The following RELN variants were observed in gnomAD, a reference collection of about 807,000 sequenced individuals.
RELN encodes the protein reelin.
In RELN, 108 loss-of-function variants were observed where a neutral mutation model predicts 427.6. The ratio of observed to expected loss-of-function variants is 0.25; its 90% CI spans 0.22 to 0.30. RELN has a LOEUF of 0.30. Ranked by LOEUF, RELN falls within the 10% of genes least tolerant of loss-of-function variation. The pLI, the probability that RELN is intolerant of heterozygous loss-of-function variation, is 1.00. For missense variants in RELN, 3,715 were observed against 4,302.8 expected (o/e 0.86, Z 3.82); for synonymous variants, 1,524 against 1,513.4 (o/e 1.01, Z -0.16).
chr7:103,812,420 A>G (rs1584260450), intron 3 of RELN, among the ~76,000 whole-genome samples: 3 of 152,308 alleles, frequency 2.0e-5, no homozygotes, highest in South Asian at 4.1e-4. Flanking sequence ...AAACAAATTC[A>G]TTTCCAGAGT....
Position 103,522,678 on chromosome 7 carries a change from G to C in RELN, c.7491-479C>G, listed in dbSNP as rs989090918. ...AAGACTGACTTCCCTGTTTAGGGTG[G>C]AAGGGCATATGAATATAGGACTGGG... On this transcript the variant is annotated intron_variant, in intron 47 of 64. Coordinates refer to ENST00000428762, the MANE Select transcript of RELN (RefSeq NM_005045.4). 2.6e-5 allele frequency among the ~76,000 whole-genome samples: 4 copies of C among 152,314 alleles called. No homozygotes were observed. The South Asian group carries it at 8.3e-4, about 32-fold the overall frequency.
intron 8 of RELN, among the ~76,000 whole-genome samples, chr7:103,722,195 G>T (rs1790094482): frequency 6.6e-6 from 1 of 152,154 alleles, no homozygotes; most frequent in Admixed American, 6.6e-5. Flanking sequence ...TGATGAAAAA[G>T]TGACAAATAC....
chr7:103,715,557 G>C (rs1220548344), intron 8 of RELN, among the ~76,000 whole-genome samples: 3 of 152,052 alleles, frequency 2.0e-5, no homozygotes, highest in African/African-American at 4.8e-5. Flanking sequence ...ACCTCATTAG[G>C]GGACTTCTTC....
At chr7:103,922,443 T>C (rs1176518551) in intron 1 of RELN, among the ~76,000 whole-genome samples, 1 of 152,144 alleles carries the variant, frequency 6.6e-6, no homozygotes, top group African/African-American at 2.4e-5. Flanking sequence ...TACACTGCCA[T>C]TTCCTCAAAT....
intron 6 of RELN, among the ~76,000 whole-genome samples, chr7:103,740,118 C>T (rs1218451085): frequency 6.6e-6 from 1 of 151,996 alleles, no homozygotes; most frequent in Non-Finnish European, 1.5e-5. Context: ...AGACACCTGA[C>T]ACTTAGCTCA....
chr7:103,543,348 T>G (rs1830216275), intron 42 of RELN, among the ~76,000 whole-genome samples: 3 of 151,370 alleles, frequency 2.0e-5, no homozygotes, highest in Admixed American at 2.0e-4. Context: ...TATTGCCTAT[T>G]AAATAACGCC....
intron 1 of RELN, among the ~76,000 whole-genome samples, chr7:103,959,602 T>C (rs1041818385): frequency 6.7e-6 from 1 of 149,116 alleles, no homozygotes; most frequent in African/African-American, 2.4e-5. Flanking sequence ...ACCTGACTCC[T>C]CTCTCTCTCT....
chr7:103,675,309 A>G (rs571890963), intron 11 of RELN, among the ~76,000 whole-genome samples: 113 of 152,334 alleles, frequency 7.4e-4, no homozygotes, highest in African/African-American at 2.6e-3. Flanking sequence ...AGAATAAAAT[A>G]CCTAGGAATC....
intron 8 of RELN, among the ~76,000 whole-genome samples, chr7:103,720,876 A>T (rs1206553507): frequency 6.6e-6 from 1 of 152,162 alleles, no homozygotes; most frequent in Non-Finnish European, 1.5e-5. Context: ...TGAGATACAC[A>T]AAACATTTCT....
intron 11 of RELN, among the ~76,000 whole-genome samples, chr7:103,662,732 T>G (rs779298748): frequency 5.3e-5 from 8 of 151,536 alleles, no homozygotes; most frequent in Non-Finnish European, 1.2e-4. Context: ...TACATTTGAA[T>G]AGTACAGTGG....
At chr7:103,662,772 G>A (rs2115566957) in intron 11 of RELN, among the ~76,000 whole-genome samples, 1 of 152,034 alleles carries the variant, frequency 6.6e-6, no homozygotes, top group Non-Finnish European at 1.5e-5. Context: ...TGGAAAGAGG[G>A]GAGTTCAGAC....
At position 103,833,688 on chromosome 7, in the gene RELN, G is replaced by C; in HGVS notation, c.338-16C>G. 1 of 1,610,820 alleles carries C rather than the reference G, an allele frequency of 6.2e-7. No homozygotes were observed. Among genetic ancestry groups the C allele is most frequent in the African/African-American group, 1.3e-5 (1 of 75,000 alleles). Reference sequence around the variant, plus strand: ...GACATGATCCCTAAGAGAAAGGAAGGAGAGTTGTTACAAAGACAACAAAAC... The same window carrying C: ...GACATGATCCCTAAGAGAAAGGAAGCAGAGTTGTTACAAAGACAACAAAAC... On this transcript the variant is annotated splice_polypyrimidine_tract_variant and intron_variant, in intron 2 of 64. Transcript: ENST00000428762.
intron 2 of RELN, among the ~76,000 whole-genome samples, chr7:103,871,304 G>C (rs1794328618): frequency 6.6e-6 from 1 of 151,988 alleles, no homozygotes; most frequent in African/African-American, 2.4e-5. Context: ...ACTATCTTTT[G>C]TAATTATTTT....
chr7:103,729,422 C>T (rs1037987645), intron 6 of RELN, among the ~76,000 whole-genome samples: 5 of 152,248 alleles, frequency 3.3e-5, no homozygotes, highest in Admixed American at 2.6e-4. Context: ...AAAGTACTTC[C>T]TATATGTTTA....
intron 2 of RELN, among the ~76,000 whole-genome samples, chr7:103,912,551 AAC>A (rs1404024894): frequency 1.3e-5 from 2 of 152,148 alleles, no homozygotes; most frequent in African/African-American, 2.4e-5. Flanking sequence ...AAAGAAATGA[AAC>A]ACATAGAAAA....
intron 11 of RELN, among the ~76,000 whole-genome samples, chr7:103,673,752 A>T (rs1010998178): frequency 6.8e-6 from 1 of 146,270 alleles, no homozygotes; most frequent in Non-Finnish European, 1.5e-5. Context: ...TGCTTCCTTT[A>T]AAAAAATGCT....
rs1265412490 is a variant in RELN at position 103,573,855 on chromosome 7, T to A, written c.4511+237A>T. Among the ~76,000 whole-genome samples the A allele has an allele frequency of 2.0e-5, 3 of 152,190 alleles. No homozygotes were observed. Among genetic ancestry groups the A allele is most frequent in the Non-Finnish European group, 4.4e-5 (3 of 68,030 alleles). On this transcript the variant is annotated intron_variant, in intron 30 of 64. Transcript: ENST00000428762. The surrounding 1 kb of genome is among the most constrained non-coding windows in gnomAD (Gnocchi z 4.4). The stretch of plus-strand genomic sequence containing the variant: ...TTCAGAAAATCAAGCTGGCATACCC[T>A]AGACACACAGGCCTTGGTGATGACC...
In RELN at chr7:103,490,830, C is replaced by T. The variant is rs1828624396; in HGVS notation, c.9444-1G>A. 6.2e-7 allele frequency: 1 copy of T among 1,614,168 alleles called. No homozygotes were observed. The highest frequency in any genetic ancestry group is 1.6e-4 in the Middle Eastern group (1 of 6,062). On this transcript the variant is annotated splice_acceptor_variant, in intron 58 of 64. Transcript: ENST00000428762. LOFTEE classifies it high-confidence loss of function. ...CTGTACGAGCTGCCAGGAATCCGAT[C>T]TGCAGAAACCAAAAGGCTTTGTTAG...
chr7:103,753,717 C>T (rs549011905), intron 4 of RELN, among the ~76,000 whole-genome samples: 4 of 152,118 alleles, frequency 2.6e-5, no homozygotes, highest in Non-Finnish European at 4.4e-5. Flanking sequence ...AATTTCCTAA[C>T]GTGAATTGTG....
Sources: gnomAD v4.1 joint callset for allele counts (sites outside exome capture counted in the v4.1 genomes callset) on GRCh38, gnomAD v4.1.1 for gene constraint, Gnocchi (gnomAD v3.1) non-coding constraint, MANE v1.5 for transcripts, NCBI Gene and HGNC (gene_info 2026-07-23, HGNC 2026-07-21) for gene names.